IMMP2L: variants seen among roughly 807,000 people sequenced by gnomAD.
IMMP2L encodes mitochondrial inner membrane protease subunit 2.
IMMP2L carries 18 observed loss-of-function variants against 19.3 expected under a neutral mutation model. That is an observed-to-expected ratio of 0.93 (90% confidence interval 0.64 to 1.38). IMMP2L has a LOEUF of 1.38. Ranked by LOEUF, IMMP2L falls within the 40% of genes most tolerant of loss-of-function variation. The pLI is 0.00. For synonymous variants in IMMP2L, 76 were observed against 73.0 expected (o/e 1.04, Z -0.21); for missense variants, 233 against 218.2 (o/e 1.07, Z -0.43).
At chr7:110,802,438 G>A (rs1027974129) in intron 5 of IMMP2L, among the ~76,000 whole-genome samples, 19 of 150,884 alleles carry the variant, frequency 1.3e-4, no homozygotes, top group African/African-American at 4.6e-4. Flanking sequence ...ACATTGTTAG[G>A]TGGCATTTTT....
chr7:111,372,506 C>T (rs1392016767), intron 3 of IMMP2L, among the ~76,000 whole-genome samples: 1 of 151,914 alleles, frequency 6.6e-6, no homozygotes, highest in African/African-American at 2.4e-5. Flanking sequence ...ACAAAATGAG[C>T]CACCTTACAA....
At chr7:110,839,758 TATTA>T (rs1373348736) in intron 5 of IMMP2L, among the ~76,000 whole-genome samples, 1 of 152,188 alleles carries the variant, frequency 6.6e-6, no homozygotes, top group Non-Finnish European at 1.5e-5. Context: ...TATCTATTCA[TATTA>T]ATCAATTAAA....
At chr7:111,078,878 C>T (rs974703273) in intron 3 of IMMP2L, among the ~76,000 whole-genome samples, 6 of 152,034 alleles carry the variant, frequency 3.9e-5, no homozygotes, top group Non-Finnish European at 7.4e-5. Flanking sequence ...TGCAGGCATG[C>T]GCCACCACAC....
At chr7:111,262,469 G>C (rs961667057) in intron 3 of IMMP2L, among the ~76,000 whole-genome samples, 2 of 152,066 alleles carry the variant, frequency 1.3e-5, no homozygotes, top group African/African-American at 4.8e-5. Context: ...GTATGAGTGG[G>C]AGAAAAGAAA....
At chr7:110,908,204 G>A (rs1429862535) in intron 4 of IMMP2L, among the ~76,000 whole-genome samples, 1 of 152,054 alleles carries the variant, frequency 6.6e-6, no homozygotes, top group African/African-American at 2.4e-5. Flanking sequence ...AGCAACCTCA[G>A]TGTCCAGAAA....
intron 3 of IMMP2L, among the ~76,000 whole-genome samples, chr7:111,140,983 T>C (rs1447593069): frequency 6.6e-6 from 1 of 152,074 alleles, no homozygotes; most frequent in African/African-American, 2.4e-5. Flanking sequence ...AGAACTTGGG[T>C]GATGAAGTGG....
chr7:111,004,597 C>T (rs1824092567), intron 3 of IMMP2L, among the ~76,000 whole-genome samples: 1 of 151,830 alleles, frequency 6.6e-6, no homozygotes, highest in Non-Finnish European at 1.5e-5. Context: ...TGATGAGAAA[C>T]TCAACATTAT....
At chr7:111,185,265 T>G (rs1264488096) in intron 3 of IMMP2L, among the ~76,000 whole-genome samples, 1 of 152,188 alleles carries the variant, frequency 6.6e-6, no homozygotes, top group Non-Finnish European at 1.5e-5. Flanking sequence ...TGTGGTTGGA[T>G]TTTTCAGCTC....
At chr7:110,715,259 A>G (rs960419632) in intron 5 of IMMP2L, among the ~76,000 whole-genome samples, 2 of 151,902 alleles carry the variant, frequency 1.3e-5, no homozygotes, top group African/African-American at 2.4e-5. Context: ...GGGGGTTTCA[A>G]TTGCTTTCAC....
intron 5 of IMMP2L, among the ~76,000 whole-genome samples, chr7:110,795,533 C>T (rs1800805212): frequency 1.3e-5 from 2 of 151,968 alleles, no homozygotes; most frequent in Admixed American, 1.3e-4. Flanking sequence ...ACTTAACAGC[C>T]CTAACAACCA....
chr7:111,048,434 A>G (rs1055428799), intron 3 of IMMP2L, among the ~76,000 whole-genome samples: 1 of 152,034 alleles, frequency 6.6e-6, no homozygotes, highest in Admixed American at 6.6e-5. Flanking sequence ...ACTGATTCAA[A>G]TACCACCTTT....
In IMMP2L at chr7:110,916,374, T is replaced by C. The variant is rs535907564; in HGVS notation, c.306-29679A>G. On this transcript the variant is annotated intron_variant, in intron 4 of 5. Transcript: ENST00000405709. The stretch of plus-strand genomic sequence containing the variant: ...TCTACTTTTTCTGTTCCAAAAGATA[T>C]AGAGAAAATGCATCTGGTGTTTCTA... Among the ~76,000 whole-genome samples the C allele has an allele frequency of 3.9e-5, 6 of 152,328 alleles. No homozygotes were observed. The East Asian group carries it at 1.2e-3, about 29-fold the overall frequency.
chr7:110,931,278 A>G (rs1457732627), intron 4 of IMMP2L, among the ~76,000 whole-genome samples: 7 of 152,176 alleles, frequency 4.6e-5, no homozygotes, highest in African/African-American at 1.7e-4. Flanking sequence ...AAACAAATGG[A>G]TGTCATTAAA....
At chr7:110,869,168 G>T (rs1808300141) in intron 5 of IMMP2L, among the ~76,000 whole-genome samples, 1 of 151,962 alleles carries the variant, frequency 6.6e-6, no homozygotes, top group Non-Finnish European at 1.5e-5. Context: ...TTCAGGTGGG[G>T]CTATTGAAAC....
chr7:111,342,637 C>T (rs996667304), intron 3 of IMMP2L, among the ~76,000 whole-genome samples: 30 of 151,948 alleles, frequency 2.0e-4, no homozygotes, highest in Non-Finnish European at 7.4e-5. Flanking sequence ...TGGTAATAAA[C>T]TGACATTTGA....
rs1452522308 is a variant in IMMP2L at position 111,414,256 on chromosome 7, G to T, written c.239+72982C>A. On this transcript the variant is annotated intron_variant, in intron 3 of 5. Coordinates refer to ENST00000405709, the MANE Select transcript of IMMP2L (RefSeq NM_032549.4). ...TGTCACCTCTGCAGGCAATTTCCCAGCAAGTCTCAAAAAGACCCAGAGGGT... is the reference window on the plus strand; with the variant it reads ...TGTCACCTCTGCAGGCAATTTCCCATCAAGTCTCAAAAAGACCCAGAGGGT... 4.6e-5 allele frequency among the ~76,000 whole-genome samples: 7 copies of T among 151,872 alleles called. No homozygotes were observed. The East Asian group carries it at 1.4e-3, about 29-fold the overall frequency.
intron 5 of IMMP2L, among the ~76,000 whole-genome samples, chr7:110,702,922 A>T (rs781529090): frequency 3.9e-5 from 6 of 152,062 alleles, no homozygotes; most frequent in Non-Finnish European, 7.4e-5. Context: ...TGTACGGTCT[A>T]AAACCTTCAG....
At chr7:111,222,862 G>A (rs531398665) in intron 3 of IMMP2L, among the ~76,000 whole-genome samples, 192 of 151,926 alleles carry the variant, frequency 1.3e-3, no homozygotes, top group Middle Eastern at 6.8e-3. Flanking sequence ...ATGTGGATAG[G>A]GAAGTATACA....
intron 3 of IMMP2L, among the ~76,000 whole-genome samples, chr7:111,349,957 A>C (rs1043799893): frequency 1.3e-5 from 2 of 151,652 alleles, no homozygotes; most frequent in African/African-American, 4.9e-5. Flanking sequence ...TATTTATCAA[A>C]ACAAAGATGG....
Sources: allele counts gnomAD v4.1 joint callset (sites outside exome capture counted in the v4.1 genomes callset), GRCh38; gene constraint gnomAD v4.1.1; transcripts MANE v1.5; gene names NCBI Gene and HGNC (gene_info 2026-07-23, HGNC 2026-07-21).